The following TTC27 variants were observed in gnomAD, a reference collection of about 807,000 sequenced individuals.
TTC27 encodes the protein tetratricopeptide repeat protein 27.
A neutral mutation model predicts 115.9 loss-of-function variants in TTC27; 79 were observed. The ratio of observed to expected loss-of-function variants is 0.68; its 90% CI spans 0.57 to 0.82. The LOEUF is 0.82. TTC27 is among the 40% of genes least tolerant of loss of function. The probability of loss-of-function intolerance (pLI) is 0.00; values close to 1 mark genes in which losing one functional copy is unlikely to be tolerated. For missense variants in TTC27, 1,054 were observed against 993.1 expected, an observed-to-expected ratio of 1.06 and a Z score of -0.82; for synonymous variants, 401 against 356.0, an observed-to-expected ratio of 1.13 and a Z score of -1.42.
At chr2:32,687,348 C>A (rs1368984428) in intron 9 of TTC27, among the ~76,000 whole-genome samples, 1 of 152,110 alleles carries the variant, frequency 6.6e-6, no homozygotes, top group South Asian at 2.1e-4. Context: ...AGTAAGAAGT[C>A]AAGGTGGCAA....
At chr2:32,672,181 T>C in intron 7 of TTC27, 91 bp from the exon 8 acceptor site, 2 of 895,168 alleles carry the variant, frequency 2.2e-6, no homozygotes, top group Non-Finnish European at 3.5e-6. Flanking sequence ...GTAAGTTAAC[T>C]TTATCCTTTC....
intron 16 of TTC27, among the ~76,000 whole-genome samples, chr2:32,798,218 A>G (rs1021771856): frequency 1.3e-4 from 19 of 151,042 alleles, no homozygotes; most frequent in African/African-American, 4.6e-4. Context: ...CATCCTGGCT[A>G]ACACAGTAAA....
chr2:32,716,388 A>T (rs1239190597), intron 10 of TTC27, among the ~76,000 whole-genome samples: 1 of 152,208 alleles, frequency 6.6e-6, no homozygotes, highest in Admixed American at 6.5e-5. Context: ...AAATTAGTTC[A>T]CTCAGGAGGA....
intron 14 of TTC27, among the ~76,000 whole-genome samples, chr2:32,781,356 C>G (rs113027971): frequency 1.3e-5 from 2 of 152,050 alleles, no homozygotes; most frequent in Non-Finnish European, 2.9e-5. Context: ...ATTTCTGGTA[C>G]TGTTTCTTAT....
At chr2:32,721,522 C>T (rs1667924210) in intron 10 of TTC27, among the ~76,000 whole-genome samples, 1 of 152,076 alleles carries the variant, frequency 6.6e-6, no homozygotes, top group Non-Finnish European at 1.5e-5. Flanking sequence ...TATCCATAGA[C>T]TTCACAATCC....
At chr2:32,680,973 T>C (rs1471184805) in intron 9 of TTC27, among the ~76,000 whole-genome samples, 1 of 152,202 alleles carries the variant, frequency 6.6e-6, no homozygotes, top group Non-Finnish European at 1.5e-5. Flanking sequence ...TAGTAACTTC[T>C]GATGGTGGGT....
intron 10 of TTC27, among the ~76,000 whole-genome samples, chr2:32,704,417 G>T (rs542500279): frequency 6.6e-6 from 1 of 152,072 alleles, no homozygotes; most frequent in East Asian, 1.9e-4. Flanking sequence ...TGAACTCCTG[G>T]CCTCCAGTGA....
intron 18 of TTC27, among the ~76,000 whole-genome samples, chr2:32,813,634 G>A (rs952523561): frequency 2.6e-5 from 4 of 152,106 alleles, no homozygotes; most frequent in African/African-American, 7.2e-5. Context: ...GAGGACTTGA[G>A]CTATAGATGA....
chr2:32,656,568 G>A (rs1179423497), intron 5 of TTC27, among the ~76,000 whole-genome samples: 1 of 152,174 alleles, frequency 6.6e-6, no homozygotes, highest in Non-Finnish European at 1.5e-5. Flanking sequence ...TAGATCACGA[G>A]GATGCTGGAT....
intron 18 of TTC27, among the ~76,000 whole-genome samples, chr2:32,815,218 T>C (rs1671458307): frequency 7.0e-6 from 1 of 142,762 alleles, no homozygotes; most frequent in South Asian, 2.3e-4. Context: ...GCACTGCTGC[T>C]TCAGATTTTT....
At chr2:32,657,416 T>G (rs1665369971) in intron 5 of TTC27, among the ~76,000 whole-genome samples, 1 of 148,856 alleles carries the variant, frequency 6.7e-6, no homozygotes, top group Non-Finnish European at 1.5e-5. Flanking sequence ...TGCAGTGGCA[T>G]GATCTTGGCT....
At chr2:32,771,854 A>G (rs1288360198) in intron 13 of TTC27, among the ~76,000 whole-genome samples, 1 of 152,200 alleles carries the variant, frequency 6.6e-6, no homozygotes, top group Admixed American at 6.6e-5. Flanking sequence ...GTTTGGGGTC[A>G]CAGAAATCAG....
chr2:32,710,589 C>T (rs1225991364), intron 10 of TTC27, among the ~76,000 whole-genome samples: 2 of 151,682 alleles, frequency 1.3e-5, no homozygotes, highest in Admixed American at 1.3e-4. Flanking sequence ...GCCACCACAC[C>T]TGGCTAATTT....
chr2:32,719,967 A>G (rs962510177), intron 10 of TTC27, among the ~76,000 whole-genome samples: 6 of 152,206 alleles, frequency 3.9e-5, no homozygotes, highest in Admixed American at 6.5e-5. Context: ...AAATTTTATG[A>G]GAGAAGGCTT....
chr2:32,782,818 A>G (rs1368022301), intron 15 of TTC27, 140 bp downstream of exon 15: 8 of 560,890 alleles, frequency 1.4e-5, no homozygotes, highest in Non-Finnish European at 1.5e-5. Context: ...CTTAAGTAGA[A>G]AAACTTAATT....
intron 11 of TTC27, among the ~76,000 whole-genome samples, chr2:32,735,957 T>C (rs1158456002): frequency 6.6e-6 from 1 of 152,196 alleles, no homozygotes; most frequent in African/African-American, 2.4e-5. Context: ...CTCTTAAATA[T>C]GTGTTGAATT....
At chr2:32,717,807 A>T (rs1667802229) in intron 10 of TTC27, among the ~76,000 whole-genome samples, 1 of 151,964 alleles carries the variant, frequency 6.6e-6, no homozygotes, top group African/African-American at 2.4e-5. Context: ...TTGTTTTGAA[A>T]TTTTTTAGAA....
chr2:32,685,685 A>G (rs955368489), intron 9 of TTC27, among the ~76,000 whole-genome samples: 3 of 152,202 alleles, frequency 2.0e-5, no homozygotes, highest in East Asian at 3.8e-4. Context: ...AACACCTTTC[A>G]TTATAAAAAC....
At chr2:32,771,385 G>C (rs1331987016) in intron 13 of TTC27, among the ~76,000 whole-genome samples, 1 of 152,168 alleles carries the variant, frequency 6.6e-6, no homozygotes, top group Non-Finnish European at 1.5e-5. Context: ...TATCTAACAG[G>C]AGAATCTCAC....
Sources: gnomAD v4.1 joint callset for allele counts (sites outside exome capture counted in the v4.1 genomes callset) on GRCh38, gnomAD v4.1.1 for gene constraint, MANE v1.5 for transcripts, NCBI Gene and HGNC (gene_info 2026-07-23, HGNC 2026-07-21) for gene names.